GALM: variants seen among roughly 807,000 people sequenced by gnomAD.
GALM encodes the protein aldose 1-epimerase.
A neutral mutation model predicts 37.4 loss-of-function variants in GALM; 43 were observed. That is an observed-to-expected ratio of 1.15 (90% CI 0.90 to 1.48). The LOEUF is 1.48. Among genes scored for constraint, GALM ranks in the 40% most tolerant of loss-of-function variants. The pLI, the probability that GALM is intolerant of heterozygous loss-of-function variation, is 0.00. For synonymous variants in GALM, 199 were observed against 170.6 expected (o/e 1.17, Z -1.30); for missense variants, 456 against 419.1 (o/e 1.09, Z -0.77).
intron 4 of GALM, among the ~76,000 whole-genome samples, chr2:38,720,962 G>C (rs758965288): frequency 3.3e-5 from 5 of 152,182 alleles, no homozygotes; most frequent in Non-Finnish European, 7.3e-5. Context: ...TGGTTAAAAA[G>C]GTCCATCCAA....
chr2:38,730,117 G>A (rs993861390), intron 5 of GALM, among the ~76,000 whole-genome samples: 3 of 152,192 alleles, frequency 2.0e-5, no homozygotes, highest in Admixed American at 2.0e-4. Context: ...AGCCTTGACC[G>A]ATAGACACTT....
In GALM at chr2:38,710,775, C is replaced by T. The variant is rs558680965; in HGVS notation, c.635-18781C>T. Among the ~76,000 whole-genome samples the T allele has an allele frequency of 3.6e-3, 509 of 140,526 alleles. 5 individuals carry two copies. The highest frequency in any genetic ancestry group is 0.013 in the African/African-American group (486 of 37,366). The allele number at this position is 140,526 out of a possible 152,430, so 92.2% of individuals were successfully genotyped here. On this transcript the variant is annotated intron_variant, in intron 4 of 6. Transcript: ENST00000272252. Reference sequence around the variant, plus strand: ...CTTCTTTTTTTTTTTTTTTTTTAGACGGAGTTTCACTCTTATTGCCCAGGC... The same window carrying T: ...CTTCTTTTTTTTTTTTTTTTTTAGATGGAGTTTCACTCTTATTGCCCAGGC...
At chr2:38,681,106 G>A (rs1485514676) in intron 2 of GALM, among the ~76,000 whole-genome samples, 174 bp from the exon 3 acceptor site, 3 of 150,286 alleles carry the variant, frequency 2.0e-5, no homozygotes, top group Non-Finnish European at 4.4e-5. Flanking sequence ...CTGCAGCCTG[G>A]ACAACATAGT....
intron 4 of GALM, among the ~76,000 whole-genome samples, chr2:38,692,041 C>CGA (rs1665688867): frequency 1.3e-5 from 2 of 152,250 alleles, no homozygotes; most frequent in South Asian, 4.2e-4. Context: ...TCCAATTCTA[C>CGA]GAGGCTCCTA....
intron 4 of GALM, among the ~76,000 whole-genome samples, chr2:38,699,848 A>T (rs149914304): frequency 0.04 from 6,076 of 152,302 alleles, 411 homozygotes; most frequent in African/African-American, 0.14. Context: ...GTGGGCTAAC[A>T]TATGGTCTAT....
chr2:38,729,313 G>A (rs1049925676), intron 4 of GALM, among the ~76,000 whole-genome samples: 3 of 152,018 alleles, frequency 2.0e-5, no homozygotes, highest in Non-Finnish European at 2.9e-5. Flanking sequence ...TCAGCCTCCT[G>A]AGTAGCTGAG....
At chr2:38,710,080 C>G (rs1198025283) in intron 4 of GALM, among the ~76,000 whole-genome samples, 1 of 152,234 alleles carries the variant, frequency 6.6e-6, no homozygotes, top group Admixed American at 6.5e-5. Flanking sequence ...CAGCAGCCCA[C>G]CTGAACCTGG....
rs565398075 is a variant in GALM, at chr2:38,666,135, A to G, written c.-27A>G. On this transcript the variant is annotated 5_prime_UTR_variant, in exon 1 of 7. Transcript: ENST00000272252. ...GAGCGCTGGAGTTTGAAGAGCGGGCAGTGGCTGCACACGCCAAACTTTCCC... is the reference window on the plus strand; with the variant it reads ...GAGCGCTGGAGTTTGAAGAGCGGGCGGTGGCTGCACACGCCAAACTTTCCC... 6.3e-7 allele frequency: 1 copy of G among 1,592,342 alleles called. No individual in the cohort carries two copies. The highest frequency in any genetic ancestry group is 1.3e-5 in the African/African-American group (1 of 74,620).
In GALM at chr2:38,666,287, C is replaced by T. The variant is rs767090087; in HGVS notation, c.126C>T (p.Ala42=). The change falls in exon 1 of 7, where the codon GCC becomes GCT. Residue 42 remains alanine, a synonymous_variant. Coordinates refer to ENST00000272252, the MANE Select transcript of GALM (RefSeq NM_138801.3). The part of the protein sequence containing the change: ...DIISWGCTIT[A]LEVKDRQGRA... ...TCTCCTGGGGCTGCACGATCACAGC[C>T]CTAGAGGTCAAAGACAGGCAGGGGA... is the stretch of plus-strand genomic sequence containing the variant. 11 of 1,613,932 alleles carry T rather than the reference C, an allele frequency of 6.8e-6. No individual in the cohort carries two copies. The highest frequency in any genetic ancestry group is 3.3e-4 in the Middle Eastern group (2 of 6,084).
chr2:38,675,717 G>A (rs980280835), intron 1 of GALM, among the ~76,000 whole-genome samples, 195 bp from the exon 2 acceptor site: 3 of 149,096 alleles, frequency 2.0e-5, no homozygotes, highest in East Asian at 2.0e-4. Flanking sequence ...TACAGGCGCC[G>A]GCCACCACGC....
Position 38,666,165 on chromosome 2 carries a change from G to A in GALM, c.4G>A (p.Ala2Thr). The change falls in exon 1 of 7, where the codon GCT (alanine) becomes ACT (threonine). Residue 2 changes from alanine to threonine, a missense_variant. Transcript: ENST00000272252. The part of the protein sequence containing the change: M[A>T]SVTRAVFGEL... ...CTGCACACGCCAAACTTTCCCTATG[G>A]CTTCGGTGACCAGGGCCGTGTTTGG... The A allele has an allele frequency of 6.2e-7, 1 of 1,610,990 alleles. No homozygotes were observed. Among genetic ancestry groups the A allele is most frequent in the East Asian group, 2.2e-5 (1 of 44,802 alleles).
chr2:38,713,072 G>A (rs1215342223), intron 4 of GALM, among the ~76,000 whole-genome samples: 1 of 152,134 alleles, frequency 6.6e-6, no homozygotes, highest in Non-Finnish European at 1.5e-5. Flanking sequence ...GGCTTCCTGT[G>A]AGTCGTGACT....
chr2:38,698,413 A>G (rs1558587040), intron 4 of GALM: 2 of 1,303,910 alleles, frequency 1.5e-6, no homozygotes, highest in Non-Finnish European at 1.0e-6. Flanking sequence ...CCTTTTACCC[A>G]TGGACCAGGA....
Position 38,733,537 on chromosome 2 carries a change from C to T in GALM, c.1001C>T (p.Thr334Ile). ...LLRPGEEYDH[T>I]TWFKFSVA ...AGGCCTGGTGAGGAGTATGACCACA[C>T]CACCTGGTTCAAGTTTTCTGTGGCT... Residue 334 changes from threonine to isoleucine, a missense_variant, in exon 7 of 7, where the codon ACC becomes ATC. Thr to Ile is a moderately conservative substitution (Grantham distance 89, BLOSUM62 -1). Transcript: ENST00000272252. The T allele has an allele frequency of 6.2e-7, 1 of 1,614,018 alleles. No individual in the cohort carries two copies. Among genetic ancestry groups the T allele is most frequent in the Non-Finnish European group, 8.5e-7 (1 of 1,179,914 alleles).
At chr2:38,708,822 T>G (rs889089035) in intron 4 of GALM, among the ~76,000 whole-genome samples, 21 of 148,098 alleles carry the variant, frequency 1.4e-4, no homozygotes, top group Non-Finnish European at 3.1e-4. Context: ...CAAATAACAG[T>G]TTTTTTTGTT....
At chr2:38,699,232 A>T (rs184532311) in intron 4 of GALM, among the ~76,000 whole-genome samples, 43 of 152,272 alleles carry the variant, frequency 2.8e-4, no homozygotes, top group African/African-American at 1.0e-3. Context: ...TATTATTTTT[A>T]ATTGATACCT....
chr2:38,666,674 G>T (rs957524976), intron 1 of GALM, among the ~76,000 whole-genome samples: 2 of 152,224 alleles, frequency 1.3e-5, no homozygotes, highest in African/African-American at 4.8e-5. Flanking sequence ...TGAACTGCCT[G>T]ATACCTGGAG....
intron 4 of GALM, among the ~76,000 whole-genome samples, chr2:38,698,149 G>T (rs1394920300): frequency 1.1e-4 from 16 of 152,028 alleles, no homozygotes. Context: ...TCACCATATT[G>T]CCCAGGCTGG....
intron 1 of GALM, chr2:38,668,057 C>T (rs148835894): frequency 6.6e-6 from 1 of 152,374 alleles, no homozygotes; most frequent in East Asian, 1.9e-4. Flanking sequence ...CATATTTCTA[C>T]ATGGCTGTCC....
Sources: gnomAD v4.1 joint callset for allele counts (sites outside exome capture counted in the v4.1 genomes callset) on GRCh38, gnomAD v4.1.1 for gene constraint, MANE v1.5 for transcripts, NCBI Gene and HGNC (gene_info 2026-07-23, HGNC 2026-07-21) for gene names.